BAIAP2: variants seen among roughly 807,000 people sequenced by gnomAD.
BAIAP2 encodes BAR/IMD domain-containing adapter protein 2.
BAIAP2 carries 18 observed loss-of-function variants against 63.0 expected under a neutral mutation model. The ratio of observed to expected loss-of-function variants is 0.29; its 90% CI spans 0.20 to 0.42. The LOEUF (loss-of-function observed/expected upper bound fraction) is 0.42. Ranked by LOEUF, BAIAP2 falls within the 10% of genes least tolerant of loss-of-function variation. The pLI, the probability that BAIAP2 is intolerant of heterozygous loss-of-function variation, is 1.00. For missense variants in BAIAP2, 610 were observed against 734.3 expected (o/e 0.83, Z 1.96); for synonymous variants, 386 against 307.6 (o/e 1.25, Z -2.67).
intron 6 of BAIAP2, among the ~76,000 whole-genome samples, chr17:81,092,671 G>C (rs535802226): frequency 6.6e-6 from 1 of 152,240 alleles, no homozygotes; most frequent in Non-Finnish European, 1.5e-5. Flanking sequence ...AGAGCTTTAC[G>C]TAAGGGGCCC....
intron 6 of BAIAP2, among the ~76,000 whole-genome samples, chr17:81,092,436 C>T (rs879650903): frequency 1.3e-5 from 2 of 152,142 alleles, no homozygotes; most frequent in Non-Finnish European, 1.5e-5. Flanking sequence ...GAGGGGTGGG[C>T]GTGAGGTTGG....
At chr17:81,079,448 C>G (rs953079778) in intron 3 of BAIAP2, among the ~76,000 whole-genome samples, 1 of 152,112 alleles carries the variant, frequency 6.6e-6, no homozygotes, top group Non-Finnish European at 1.5e-5. Flanking sequence ...AGAGAGGCCT[C>G]GTTTTCAGGA....
intron 6 of BAIAP2, among the ~76,000 whole-genome samples, chr17:81,097,966 C>T (rs1272900487): frequency 6.6e-6 from 1 of 152,218 alleles, no homozygotes. Flanking sequence ...CGAGCCCTCC[C>T]ACTGTCGGGC....
intron 3 of BAIAP2, among the ~76,000 whole-genome samples, chr17:81,081,688 C>T (rs2054636059): frequency 6.6e-6 from 1 of 152,204 alleles, no homozygotes; most frequent in Non-Finnish European, 1.5e-5. Context: ...CATGTCCTCT[C>T]CTGCCGAGGC....
chr17:81,102,843 C>T (rs2058677539), intron 7 of BAIAP2, among the ~76,000 whole-genome samples: 1 of 152,216 alleles, frequency 6.6e-6, no homozygotes, highest in Non-Finnish European at 1.5e-5. Context: ...CTGCAGCCTG[C>T]TTAGGCCAAA....
intron 1 of BAIAP2, among the ~76,000 whole-genome samples, chr17:81,045,616 T>G (rs895186713): frequency 6.6e-6 from 1 of 152,152 alleles, no homozygotes; most frequent in African/African-American, 2.4e-5. Flanking sequence ...TGGGTGCTCC[T>G]GGAGGCTGAG....
At chr17:81,057,992 CT>C (rs1323031916) in intron 3 of BAIAP2, 25 bp downstream of exon 3, 20 of 948,308 alleles carry the variant, frequency 2.1e-5, no homozygotes, top group Non-Finnish European at 2.5e-5. Context: ...CCCCCCCCGC[CT>C]GGTAGTCGCC....
chr17:81,102,673 ATCC>A (rs1243296843), intron 7 of BAIAP2, among the ~76,000 whole-genome samples: 2 of 152,206 alleles, frequency 1.3e-5, no homozygotes, highest in African/African-American at 4.8e-5. Context: ...GTCGTCCAAC[ATCC>A]TCCGTGGGTC....
intron 3 of BAIAP2, among the ~76,000 whole-genome samples, chr17:81,076,813 T>C (rs2053739847): frequency 6.6e-6 from 1 of 151,932 alleles, no homozygotes; most frequent in African/African-American, 2.4e-5. Context: ...TACAAAAGTA[T>C]CTTAAAAATG....
chr17:81,085,012 G>A lies in BAIAP2; in HGVS notation c.279+119G>A, dbSNP rs114442085. ...CCCAGTTGTCCAGCCACACTCGGAGGCAGGGAGGGACCCTGGCTCAGCACA... is the reference window on the plus strand; with the variant it reads ...CCCAGTTGTCCAGCCACACTCGGAGACAGGGAGGGACCCTGGCTCAGCACA... On this transcript the variant is annotated intron_variant, in intron 4 of 13. Transcript: ENST00000428708. 1,671 of 1,043,410 alleles carry A rather than the reference G, an allele frequency of 1.6e-3. 20 individuals are homozygous for A. The African/African-American group carries it at 0.023, about 15-fold the overall frequency. 64.6% of individuals were successfully genotyped at this position (1,043,410 alleles called of 1,614,324 possible). A position where few individuals can be genotyped will look rare whatever the true frequency, so the allele number is the denominator to read the frequency against.
intron 13 of BAIAP2, chr17:81,109,943 C>A: frequency 1.0e-6 from 1 of 985,386 alleles, no homozygotes; most frequent in South Asian, 4.7e-5. Context: ...CACCCACGCC[C>A]CCCACCTGGG....
At chr17:81,113,958 CT>C (rs58758919) in intron 13 of BAIAP2, among the ~76,000 whole-genome samples, 26,908 of 83,314 alleles carry the variant, frequency 0.32, 3,161 homozygotes, top group East Asian at 0.45. Flanking sequence ...TGGGAACCCA[CT>C]TTTTTTTTTT....
intron 1 of BAIAP2, among the ~76,000 whole-genome samples, chr17:81,051,392 T>C (rs1009222909): frequency 5.9e-5 from 9 of 152,132 alleles, no homozygotes; most frequent in African/African-American, 2.2e-4. Flanking sequence ...TTGTTTGTTT[T>C]GTTTTTTTGT....
At chr17:81,086,833 A>G (rs1163490846) in intron 6 of BAIAP2, 1 of 479,892 alleles carries the variant, frequency 2.1e-6, no homozygotes, top group Non-Finnish European at 3.8e-6. Flanking sequence ...TGGCTGAAGG[A>G]GCAGAAACCT....
At chr17:81,062,934 C>T (rs1398639128) in intron 3 of BAIAP2, among the ~76,000 whole-genome samples, 8 of 150,756 alleles carry the variant, frequency 5.3e-5, no homozygotes, top group South Asian at 2.1e-4. Context: ...CCCCGCCGCC[C>T]CCACCAGCTC....
chr17:81,049,460 T>C (rs1456715573), intron 1 of BAIAP2, among the ~76,000 whole-genome samples: 1 of 152,168 alleles, frequency 6.6e-6, no homozygotes, highest in East Asian at 1.9e-4. Context: ...CCTAGGTTTT[T>C]CTGGGTTTTT....
In BAIAP2 at chr17:81,109,036, T is replaced by A. The variant is rs746007315; in HGVS notation, c.1535+527T>A. On this transcript the variant is annotated intron_variant, in intron 13 of 13. Transcript: ENST00000428708. Reference sequence around the variant, plus strand: ...CGGGCAGCCGCTGCTCTGAAGAGCTTCCGCGCCTTCCCCCTGGTCTCGTCC... The same window carrying A: ...CGGGCAGCCGCTGCTCTGAAGAGCTACCGCGCCTTCCCCCTGGTCTCGTCC... The A allele has an allele frequency of 2.1e-5, 32 of 1,531,008 alleles. No individual in the cohort carries two copies. The Middle Eastern group carries it at 5.1e-4, about 24-fold the overall frequency. The allele number at this position is 1,531,008 out of a possible 1,614,324, so 94.8% of individuals were successfully genotyped here. A position where few individuals can be genotyped will look rare whatever the true frequency, so the allele number is the denominator to read the frequency against.
chr17:81,042,142 C>CTT lies in BAIAP2; in HGVS notation c.54+6849_54+6850dup, dbSNP rs36029761. On this transcript the variant is annotated intron_variant, in intron 1 of 13. Coordinates refer to ENST00000428708, the MANE Select transcript of BAIAP2 (RefSeq NM_001144888.2). ...CACTTTTTTTTTTCTTTTCTTTTTT[C>CTT]TTTTTTTTTTTTTTTTGGAGACAGA... Among the ~76,000 whole-genome samples the CTT allele has an allele frequency of 9.2e-4, 101 of 109,750 alleles. 2 individuals are homozygous for CTT. In the South Asian group the frequency reaches 0.02, roughly 21 times the overall value. The allele number at this position is 109,750 out of a possible 152,430, so 72.0% of individuals were successfully genotyped here.
intron 13 of BAIAP2, chr17:81,110,867 C>T (rs1394999019): frequency 1.9e-6 from 3 of 1,612,796 alleles, no homozygotes; most frequent in Middle Eastern, 1.7e-4. Flanking sequence ...ACCCCCGAGT[C>T]CTCAGACCCC....
Sources: allele counts gnomAD v4.1 joint callset (sites outside exome capture counted in the v4.1 genomes callset), GRCh38; gene constraint gnomAD v4.1.1; transcripts MANE v1.5; gene names NCBI Gene and HGNC (gene_info 2026-07-23, HGNC 2026-07-21).